TTYH2: variants seen among roughly 807,000 people sequenced by gnomAD.
The protein encoded by TTYH2 is tweety family member 2, also known as protein tweety homolog 2.
Under a neutral mutation model 68.3 loss-of-function variants are expected in TTYH2, and 49 were observed. That is an observed-to-expected ratio of 0.72 (90% CI 0.57 to 0.91). The LOEUF (loss-of-function observed/expected upper bound fraction) is 0.91. TTYH2 is among the 40% of genes least tolerant of loss of function. The probability of loss-of-function intolerance (pLI) is 0.00; values close to 1 mark genes in which losing one functional copy is unlikely to be tolerated. For synonymous variants in TTYH2, 272 were observed against 300.8 expected (o/e 0.90, Z 0.99); for missense variants, 631 against 700.4 (o/e 0.90, Z 1.12).
intron 1 of TTYH2, among the ~76,000 whole-genome samples, chr17:74,220,391 C>G (rs1052721787): frequency 3.3e-5 from 5 of 152,208 alleles, no homozygotes; most frequent in Non-Finnish European, 5.9e-5. Flanking sequence ...TGCCTGGGAT[C>G]ATCTCTAGAG....
In TTYH2 at chr17:74,248,330, C is replaced by T. The variant is rs758905676; in HGVS notation, c.805-681C>T. 1.9e-4 allele frequency: 188 copies of T among 986,042 alleles called. No individual in the cohort carries two copies. The Middle Eastern group carries it at 2.1e-3, about 11-fold the overall frequency. The allele number at this position is 986,042 out of a possible 1,614,324, so 61.1% of individuals were successfully genotyped here. A position where few individuals can be genotyped will look rare whatever the true frequency, so the allele number is the denominator to read the frequency against. On this transcript the variant is annotated intron_variant, in intron 6 of 13. Coordinates refer to ENST00000269346, the MANE Select transcript of TTYH2 (RefSeq NM_032646.6). The stretch of plus-strand genomic sequence containing the variant: ...TTGCTGCCGCCTCTCCTGGGGCCTG[C>T]GTCTGCTCCCACCCTGCCGCATGGG...
intron 6 of TTYH2, among the ~76,000 whole-genome samples, chr17:74,246,211 G>A (rs1943629939): frequency 6.6e-6 from 1 of 152,150 alleles, no homozygotes; most frequent in Admixed American, 6.5e-5. Context: ...GATTCCTCCA[G>A]CTAAGGGGCA....
In TTYH2 at chr17:74,244,855, AGT is replaced by A. The variant is rs58119512; in HGVS notation, c.804+833_804+834del. Among the ~76,000 whole-genome samples the A allele has an allele frequency of 3.1e-3, 468 of 149,668 alleles. 2 individuals are homozygous for A. Among genetic ancestry groups the A allele is most frequent in the Middle Eastern group, 0.011 (3 of 284 alleles). On this transcript the variant is annotated intron_variant, in intron 6 of 13. Transcript: ENST00000269346. ...CCAGGCTTTGATACAGTGGAGGTGC[AGT>A]GTGTGTGTGTGTGTGTGTGTGTGTG...
chr17:74,244,183 G>T, intron 6 of TTYH2, 134 bp downstream of exon 6: 1 of 838,630 alleles, frequency 1.2e-6, no homozygotes, highest in East Asian at 2.6e-5. Flanking sequence ...AAAGGGACTT[G>T]CGTCATCTGA....
At chr17:74,254,448 A>G (rs1430465042) in intron 13 of TTYH2, among the ~76,000 whole-genome samples, 1 of 152,194 alleles carries the variant, frequency 6.6e-6, no homozygotes, top group Non-Finnish European at 1.5e-5. Flanking sequence ...GATTACAGGC[A>G]TGAGCCACCG....
At chr17:74,254,916 C>T (rs180980091) in intron 13 of TTYH2, among the ~76,000 whole-genome samples, 9 of 152,298 alleles carry the variant, frequency 5.9e-5, no homozygotes, top group East Asian at 1.9e-4. Context: ...TTCCTCAATC[C>T]GTCTCAGCTC....
chr17:74,246,073 G>C (rs530576431), intron 6 of TTYH2, among the ~76,000 whole-genome samples: 2 of 152,192 alleles, frequency 1.3e-5, no homozygotes, highest in African/African-American at 4.8e-5. Context: ...TGAGGGGCTA[G>C]AGCAGGCAGA....
At chr17:74,219,117 T>A (rs2050249761) in intron 1 of TTYH2, among the ~76,000 whole-genome samples, 1 of 151,730 alleles carries the variant, frequency 6.6e-6, no homozygotes, top group South Asian at 2.1e-4. Context: ...CTCAGGAGGC[T>A]GAGGCAGGAG....
At chr17:74,225,058 T>C (rs2050316381) in intron 2 of TTYH2, among the ~76,000 whole-genome samples, 1 of 149,168 alleles carries the variant, frequency 6.7e-6, no homozygotes, top group Non-Finnish European at 1.5e-5. Context: ...GGAGCAGGCA[T>C]AGAAGTGGAT....
In TTYH2 at chr17:74,249,488, G is replaced by A. The variant is rs1870992; in HGVS notation, c.930+89G>A. ...ACCACTGACCAAGATGGCGGAGGTG[G>A]CAGGGCCTTGCTTGCCTCACTGTGG... On this transcript the variant is annotated intron_variant, in intron 8 of 13. Transcript: ENST00000269346. 5.6e-6 allele frequency: 8 copies of A among 1,440,756 alleles called. No individual in the cohort carries two copies. In the East Asian group the frequency reaches 1.6e-4, roughly 29 times the overall value. 89.2% of individuals were successfully genotyped at this position (1,440,756 alleles called of 1,614,324 possible).
intron 4 of TTYH2, among the ~76,000 whole-genome samples, 172 bp from the exon 5 acceptor site, chr17:74,243,202 G>A (rs148735924): frequency 1.3e-5 from 2 of 152,248 alleles, no homozygotes; most frequent in Admixed American, 6.5e-5. Flanking sequence ...AGCAGTGGGG[G>A]TGCAGCTCCC....
rs114920186 is a variant in TTYH2 at position 74,246,663 on chromosome 17, T to C, written c.805-2348T>C. ...CCCTCTCCTGCCATCCCTATCACCA[T>C]GGCATGAGTAATGCACACGTGTATT... On this transcript the variant is annotated intron_variant, in intron 6 of 13. Coordinates refer to ENST00000269346, the MANE Select transcript of TTYH2 (RefSeq NM_032646.6). Among the ~76,000 whole-genome samples, 1,299 of 152,270 alleles carry C rather than the reference T, an allele frequency of 8.5e-3. 17 individuals carry two copies. Among genetic ancestry groups the C allele is most frequent in the African/African-American group, 0.03 (1,246 of 41,552 alleles).
Position 74,213,772 on chromosome 17 carries a change from C to G in TTYH2, c.129+56C>G. 2 of 1,579,926 alleles carry G rather than the reference C, an allele frequency of 1.3e-6. No homozygotes were observed. The highest frequency in any genetic ancestry group is 1.7e-6 in the Non-Finnish European group (2 of 1,161,586). On this transcript the variant is annotated intron_variant, in intron 1 of 13. Coordinates refer to ENST00000269346, the MANE Select transcript of TTYH2 (RefSeq NM_032646.6). The surrounding 1 kb of genome is among the most constrained non-coding windows in gnomAD (Gnocchi z 6.1). ...CGCGCGCCCCAAGTCCCCGCACTAC[C>G]CCCTCTCCCCTCGAGAGCCTGCACT...
At chr17:74,238,738 A>G (rs370973605) in intron 4 of TTYH2, among the ~76,000 whole-genome samples, 19 of 151,012 alleles carry the variant, frequency 1.3e-4, no homozygotes, top group African/African-American at 4.1e-4. Flanking sequence ...GTGGTGGCGC[A>G]TGCCTGTAAT....
chr17:74,238,361 G>A (rs1334155697), intron 4 of TTYH2, among the ~76,000 whole-genome samples: 1 of 152,186 alleles, frequency 6.6e-6, no homozygotes, highest in Non-Finnish European at 1.5e-5. Flanking sequence ...CGTGGAGGAG[G>A]CACAAGGGAG....
chr17:74,246,040 T>A (rs1417220058), intron 6 of TTYH2, among the ~76,000 whole-genome samples: 1 of 152,120 alleles, frequency 6.6e-6, no homozygotes, highest in African/African-American at 2.4e-5. Context: ...TGGTCAGCAC[T>A]GCGAGTCAGG....
intron 6 of TTYH2, chr17:74,248,146 C>T (rs987584493): frequency 6.6e-5 from 34 of 517,878 alleles, no homozygotes; most frequent in Non-Finnish European, 7.9e-5. Context: ...GTCCCCTGCC[C>T]GGGGAGCATG....
At position 74,241,509 on chromosome 17, in the gene TTYH2, G is replaced by C. The variant is rs922145361; in HGVS notation, c.636-1865G>C. On this transcript the variant is annotated intron_variant, in intron 4 of 13. Transcript: ENST00000269346. This position sits in a 1 kb window ranked among gnomAD's most constrained non-coding sequence, Gnocchi z 4.1. ...GGACTTTGATTAGTCCCCTTCTTTT[G>C]GCAGTAAGCCTCAATTCGGGGAGTC... Among the ~76,000 whole-genome samples, 1 of 152,090 alleles carries C rather than the reference G, an allele frequency of 6.6e-6. No homozygotes were observed. Among genetic ancestry groups the C allele is most frequent in the Non-Finnish European group, 1.5e-5 (1 of 68,020 alleles).
chr17:74,233,800 C>T (rs868164661), intron 3 of TTYH2, among the ~76,000 whole-genome samples: 5 of 152,046 alleles, frequency 3.3e-5, no homozygotes, highest in African/African-American at 1.2e-4. Context: ...AGAGAGGAGT[C>T]GTTTTGGGAT....
Sources: allele counts gnomAD v4.1 joint callset (sites outside exome capture counted in the v4.1 genomes callset), GRCh38; gene constraint gnomAD v4.1.1; non-coding constraint Gnocchi (gnomAD v3.1); transcripts MANE v1.5; gene names NCBI Gene and HGNC (gene_info 2026-07-23, HGNC 2026-07-21).